Variants in RBFOX1 observed in about 807,000 individuals in gnomAD.
RBFOX1 encodes the protein RNA binding protein fox-1 homolog 1.
In RBFOX1, 8 loss-of-function variants were observed where a neutral mutation model predicts 57.7. The observed-to-expected ratio is 0.14, with a 90% CI of 0.08 to 0.25. RBFOX1 has a LOEUF of 0.25. Ranked by LOEUF, RBFOX1 falls within the 10% of genes least tolerant of loss-of-function variation. RBFOX1 has a pLI of 1.00. For missense variants in RBFOX1, 611 were observed against 548.5 expected, an observed-to-expected ratio of 1.11 and a Z score of -1.14; for synonymous variants, 326 against 222.4, an observed-to-expected ratio of 1.47 and a Z score of -4.15.
At chr16:7,707,541 G>T (rs8056354) in intron 14 of RBFOX1, among the ~76,000 whole-genome samples, 1 of 152,144 alleles carries the variant, frequency 6.6e-6, no homozygotes, top group Non-Finnish European at 1.5e-5. Context: ...ATCAAAAAAC[G>T]ATGTCGATCC....
intron 3 of RBFOX1, among the ~76,000 whole-genome samples, chr16:6,710,996 ATGGCACATACCCAT>A: frequency 6.6e-6 from 1 of 152,200 alleles, no homozygotes; most frequent in African/African-American, 2.4e-5. Flanking sequence ...GAGCGGAAAA[ATGGCACATACCCAT>A]TGCAAGTGAA....
intron 2 of RBFOX1, among the ~76,000 whole-genome samples, chr16:5,546,638 C>T (rs921553876): frequency 2.0e-5 from 3 of 152,144 alleles, no homozygotes; most frequent in Non-Finnish European, 2.9e-5. Context: ...AGATATACAA[C>T]CTAAATCTGT....
At chr16:6,783,969 C>G (rs1457243038) in intron 3 of RBFOX1, among the ~76,000 whole-genome samples, 1 of 152,144 alleles carries the variant, frequency 6.6e-6, no homozygotes, top group Admixed American at 6.5e-5. Flanking sequence ...ATCCCACTCC[C>G]TCATGGCCTA....
intron 3 of RBFOX1, among the ~76,000 whole-genome samples, chr16:5,790,810 T>G (rs886922330): frequency 6.6e-6 from 1 of 152,048 alleles, no homozygotes; most frequent in African/African-American, 2.4e-5. Context: ...TCACTGCTGC[T>G]GCTCTTGTGG....
intron 1 of RBFOX1, among the ~76,000 whole-genome samples, chr16:5,408,921 G>A (rs1390943967): frequency 2.0e-5 from 3 of 152,336 alleles, no homozygotes; most frequent in African/African-American, 4.8e-5. Context: ...ATCCGCCCCC[G>A]TGATCCGTTC....
intron 3 of RBFOX1, among the ~76,000 whole-genome samples, chr16:5,681,460 C>G (rs1315133008): frequency 2.0e-5 from 3 of 149,906 alleles, no homozygotes; most frequent in Non-Finnish European, 4.4e-5. Flanking sequence ...GTGATCTCAG[C>G]TCACTGCAAC....
chr16:7,003,022 T>C lies in RBFOX1; in HGVS notation c.-15-49035T>C, dbSNP rs3927996. 7.9e-5 allele frequency among the ~76,000 whole-genome samples: 12 copies of C among 151,110 alleles called. No homozygotes were observed. In the South Asian group the frequency reaches 1.9e-3, roughly 24 times the overall value. ...TGAGTGGATCTTGGTGGTCTTTTTT[T>C]TTCTTCTTCTTTTTTCTCTGTTGTG... On this transcript the variant is annotated intron_variant, in intron 3 of 15. Transcript: ENST00000550418.
At chr16:5,956,006 A>C (rs1389429790) in intron 4 of RBFOX1, among the ~76,000 whole-genome samples, 2 of 152,196 alleles carry the variant, frequency 1.3e-5, no homozygotes, top group Non-Finnish European at 2.9e-5. Flanking sequence ...TCGTGCCTGT[A>C]ATCCCAGTAC....
At chr16:7,205,537 A>G (rs2089774032) in intron 4 of RBFOX1, among the ~76,000 whole-genome samples, 1 of 151,984 alleles carries the variant, frequency 6.6e-6, no homozygotes. Context: ...AAGAAAAAGA[A>G]AAAAAAGAAA....
intron 3 of RBFOX1, among the ~76,000 whole-genome samples, chr16:5,860,000 A>G (rs996950549): frequency 7.2e-5 from 11 of 152,218 alleles, no homozygotes; most frequent in African/African-American, 2.7e-4. Flanking sequence ...CTCTGCAACA[A>G]GGCTATCTTA....
intron 2 of RBFOX1, among the ~76,000 whole-genome samples, chr16:6,397,107 A>G (rs933503511): frequency 6.6e-6 from 1 of 152,180 alleles, no homozygotes; most frequent in Non-Finnish European, 1.5e-5. Context: ...AGTCCCAGAA[A>G]GAGGAAGGAG....
intron 3 of RBFOX1, among the ~76,000 whole-genome samples, chr16:6,863,725 C>CTTTTTATTTTTTTTTTTT (rs2059413102): frequency 1.5e-5 from 1 of 67,768 alleles, no homozygotes; most frequent in Admixed American, 1.6e-4. Flanking sequence ...GATGCCTGCG[C>CTTTTTATTTTTTTTTTTT]TTTTTTTTTT....
intron 5 of RBFOX1, among the ~76,000 whole-genome samples, chr16:7,555,940 C>T (rs9927593): frequency 0.016 from 2,383 of 152,244 alleles, 61 homozygotes; most frequent in African/African-American, 0.054. Flanking sequence ...CTAAAACTTA[C>T]GTTCCTTGAG....
intron 1 of RBFOX1, among the ~76,000 whole-genome samples, chr16:5,362,137 T>A (rs111245822): frequency 5.8e-4 from 89 of 152,346 alleles, no homozygotes; most frequent in Non-Finnish European, 1.1e-3. Context: ...AGTATTGTTA[T>A]CTACAGGCAT....
intron 1 of RBFOX1, among the ~76,000 whole-genome samples, chr16:6,304,975 C>G (rs1390388224): frequency 6.7e-6 from 1 of 149,896 alleles, no homozygotes; most frequent in Non-Finnish European, 1.5e-5. Context: ...ATCAACAGAA[C>G]TAGTGAGATG....
chr16:7,076,547 A>G (rs899715744), intron 4 of RBFOX1, among the ~76,000 whole-genome samples: 2 of 152,210 alleles, frequency 1.3e-5, no homozygotes, highest in African/African-American at 4.8e-5. Context: ...CTTGACTCAA[A>G]TGGAACACCT....
At chr16:6,148,148 G>C (rs2096772456) in intron 1 of RBFOX1, among the ~76,000 whole-genome samples, 2 of 152,298 alleles carry the variant, frequency 1.3e-5, no homozygotes, top group Non-Finnish European at 2.9e-5. Context: ...GGCAAACATG[G>C]TGAAACCCGT....
intron 4 of RBFOX1, 28 bp downstream of exon 4, chr16:7,052,126 C>G (rs1220302356): frequency 6.3e-7 from 1 of 1,586,324 alleles, no homozygotes; most frequent in East Asian, 2.2e-5. Flanking sequence ...TAAAATGCTT[C>G]CTGATTCTCA....
intron 13 of RBFOX1, among the ~76,000 whole-genome samples, chr16:7,676,030 T>G (rs1439267828): frequency 6.6e-6 from 1 of 152,254 alleles, no homozygotes; most frequent in Non-Finnish European, 1.5e-5. Context: ...TTGCAATTAC[T>G]GGTACATACA....
Sources: allele counts gnomAD v4.1 joint callset (sites outside exome capture counted in the v4.1 genomes callset), GRCh38; gene constraint gnomAD v4.1.1; transcripts MANE v1.5; gene names NCBI Gene and HGNC (gene_info 2026-07-23, HGNC 2026-07-21).